AKR1C3: variants seen among roughly 807,000 people sequenced by gnomAD.
AKR1C3 encodes aldo-keto reductase family 1 member C3.
Under a neutral mutation model 43.6 loss-of-function variants are expected in AKR1C3, and 48 were observed. The ratio of observed to expected loss-of-function variants is 1.10; its 90% CI spans 0.87 to 1.40. The LOEUF is 1.40. AKR1C3 is among the 40% of genes most tolerant of loss of function. The pLI is 0.00. For missense variants in AKR1C3, 482 were observed against 391.2 expected (o/e 1.23, Z -1.96); for synonymous variants, 162 against 139.6 (o/e 1.16, Z -1.13).
At chr10:5,077,250 G>T (rs1221855568) in intron 1 of AKR1C3, among the ~76,000 whole-genome samples, 3 of 152,002 alleles carry the variant, frequency 2.0e-5, no homozygotes, top group Non-Finnish European at 4.4e-5. Flanking sequence ...CAAGCCCTGG[G>T]TATTTTTCTC....
chr10:5,064,783 A>G (rs1838460405), intron 1 of AKR1C3, among the ~76,000 whole-genome samples: 1 of 152,126 alleles, frequency 6.6e-6, no homozygotes, highest in Non-Finnish European at 1.5e-5. Context: ...AAAATGCTCA[A>G]CATCACTGAT....
chr10:5,054,080 G>A (rs566411563), intron 1 of AKR1C3, among the ~76,000 whole-genome samples: 7 of 152,262 alleles, frequency 4.6e-5, no homozygotes, highest in South Asian at 4.2e-4. Context: ...TGTAAGCGCC[G>A]GTTGGCATCT....
At chr10:5,094,348 T>G, upstream of AKR1C3, 2 of 919,642 alleles carry the variant, frequency 2.2e-6, no homozygotes, top group Non-Finnish European at 3.3e-6. Flanking sequence ...CATCAGTCAG[T>G]TTGCAGGGGT....
intron 1 of AKR1C3, among the ~76,000 whole-genome samples, chr10:5,059,446 A>G (rs1393157891): frequency 1.3e-5 from 2 of 152,134 alleles, no homozygotes; most frequent in Non-Finnish European, 2.9e-5. Context: ...AGGGTCAACC[A>G]ACTTGTCATC....
At position 5,105,490 on chromosome 10, in the gene AKR1C3, A is replaced by AACTT. The variant is rs587671776; in HGVS notation, c.847-102_847-99dup. 2.8e-4 allele frequency: 236 copies of AACTT among 855,684 alleles called. 1 individual carries two copies. The African/African-American group carries it at 3.4e-3, about 12-fold the overall frequency. The allele number at this position is 855,684 out of a possible 1,614,324, so 53.0% of individuals were successfully genotyped here. A position where few individuals can be genotyped will look rare whatever the true frequency, so the allele number is the denominator to read the frequency against. On this transcript the variant is annotated intron_variant, in intron 7 of 8. Transcript: ENST00000380554. Reference sequence around the variant, plus strand: ...AGAGCTGACTTCTATAACTGTTTAAAACTTACCAATATTTTAAGTATTGTC... The same window carrying AACTT: ...AGAGCTGACTTCTATAACTGTTTAAAACTTACTTACCAATATTTTAAGTATTGTC...
At position 5,107,634 on chromosome 10, in the gene AKR1C3, A is replaced by G. The variant is rs907214904; in HGVS notation, c.*131A>G. 76 of 657,928 alleles carry G rather than the reference A, an allele frequency of 1.2e-4. No homozygotes were observed. Among genetic ancestry groups the G allele is most frequent in the Admixed American group, 4.6e-4 (15 of 32,492 alleles). 40.8% of individuals were successfully genotyped at this position (657,928 alleles called of 1,614,324 possible). On this transcript the variant is annotated 3_prime_UTR_variant, in exon 9 of 9. Transcript: ENST00000380554. ...TCCTGTTTAGCGACTTCAGTCAACT[A>G]CAGCTGAGTCCATAGGCCAGAAAGA...
At position 5,107,538 on chromosome 10, in the gene AKR1C3, C is replaced by T; in HGVS notation, c.*35C>T. The T allele has an allele frequency of 1.3e-6, 2 of 1,525,444 alleles. No individual in the cohort carries two copies. Among genetic ancestry groups the T allele is most frequent in the Non-Finnish European group, 1.8e-6 (2 of 1,101,862 alleles). The allele number at this position is 1,525,444 out of a possible 1,614,324, so 94.5% of individuals were successfully genotyped here. A position where few individuals can be genotyped will look rare whatever the true frequency, so the allele number is the denominator to read the frequency against. On this transcript the variant is annotated 3_prime_UTR_variant, in exon 9 of 9. Coordinates refer to ENST00000380554, the MANE Select transcript of AKR1C3 (RefSeq NM_003739.6). Reference sequence around the variant, plus strand: ...CTTTGCCTGATGTCTACCAGAAGCCCTGTGTGTGGATGGTGACGCAGAGGA... The same window carrying T: ...CTTTGCCTGATGTCTACCAGAAGCCTTGTGTGTGGATGGTGACGCAGAGGA...
intron 3 of AKR1C3, chr10:5,098,295 TG>T: frequency 1.6e-6 from 1 of 627,406 alleles, no homozygotes. Flanking sequence ...TTTTCATTGG[TG>T]GCGATTATGG....
chr10:5,076,039 A>G (rs6601898), intron 1 of AKR1C3, among the ~76,000 whole-genome samples: 131,978 of 152,132 alleles, frequency 0.87, 57,459 homozygotes, highest in African/African-American at 0.95. Context: ...TATTTTTGGA[A>G]TCACCCAGGA....
At chr10:5,094,329 T>C (rs782118954), upstream of AKR1C3, 4 of 1,100,106 alleles carry the variant, frequency 3.6e-6, no homozygotes, top group Admixed American at 2.0e-5. Context: ...CTACATGCCA[T>C]TGGTTAACCA....
At chr10:5,090,054 A>C (rs1165597996), upstream of AKR1C3, among the ~76,000 whole-genome samples, 3 of 152,102 alleles carry the variant, frequency 2.0e-5, no homozygotes, top group East Asian at 5.8e-4. Flanking sequence ...AGGCCAGTAG[A>C]GGGTACTTAT....
chr10:5,063,023 A>C (rs1221745282), intron 1 of AKR1C3, among the ~76,000 whole-genome samples: 1 of 152,192 alleles, frequency 6.6e-6, no homozygotes, highest in Admixed American at 6.5e-5. Flanking sequence ...ATTCAGGATG[A>C]AGGAGAGGAA....
chr10:5,107,611 C>A lies in AKR1C3; in HGVS notation c.*108C>A. Reference sequence around the variant, plus strand: ...CATATCACCTCTACTTAAATCCGTCCTGTTTAGCGACTTCAGTCAACTACA... The same window carrying A: ...CATATCACCTCTACTTAAATCCGTCATGTTTAGCGACTTCAGTCAACTACA... On this transcript the variant is annotated 3_prime_UTR_variant, in exon 9 of 9. Transcript: ENST00000380554. The A allele has an allele frequency of 1.2e-6, 1 of 826,984 alleles. No individual in the cohort carries two copies. The allele number at this position is 826,984 out of a possible 1,614,324, so 51.2% of individuals were successfully genotyped here. A position where few individuals can be genotyped will look rare whatever the true frequency, so the allele number is the denominator to read the frequency against.
At chr10:5,060,919 C>T (rs1203036841) in intron 1 of AKR1C3, among the ~76,000 whole-genome samples, 1 of 152,232 alleles carries the variant, frequency 6.6e-6, no homozygotes, top group Non-Finnish European at 1.5e-5. Context: ...GGCTTGCGGG[C>T]TGGCCAGCTG....
intron 1 of AKR1C3, among the ~76,000 whole-genome samples, chr10:5,061,482 A>C (rs1297323449): frequency 6.6e-6 from 1 of 152,192 alleles, no homozygotes; most frequent in African/African-American, 2.4e-5. Context: ...GGGAGGGCAC[A>C]CAGCCAGAAG....
intron 1 of AKR1C3, among the ~76,000 whole-genome samples, chr10:5,074,969 C>T (rs147929245): frequency 2.5e-3 from 376 of 152,262 alleles, no homozygotes; most frequent in Non-Finnish European, 4.1e-3. Context: ...CTCAATATCC[C>T]GCCCTTTCCC....
At chr10:5,093,194 C>T (rs558811409), upstream of AKR1C3, among the ~76,000 whole-genome samples, 2 of 152,078 alleles carry the variant, frequency 1.3e-5, no homozygotes, top group Non-Finnish European at 2.9e-5. Context: ...CATCATACTA[C>T]ATTTCTACTC....
chr10:5,107,601 T>A lies in AKR1C3; in HGVS notation c.*98T>A. Reference sequence around the variant, plus strand: ...GGTGACTGGACATATCACCTCTACTTAAATCCGTCCTGTTTAGCGACTTCA... The same window carrying A: ...GGTGACTGGACATATCACCTCTACTAAAATCCGTCCTGTTTAGCGACTTCA... On this transcript the variant is annotated 3_prime_UTR_variant, in exon 9 of 9. Transcript: ENST00000380554. 1 of 952,738 alleles carries A rather than the reference T, an allele frequency of 1.0e-6. No individual in the cohort carries two copies. Among genetic ancestry groups the A allele is most frequent in the Non-Finnish European group, 1.6e-6 (1 of 611,770 alleles). The allele number at this position is 952,738 out of a possible 1,614,324, so 59.0% of individuals were successfully genotyped here.
intron 1 of AKR1C3, among the ~76,000 whole-genome samples, chr10:5,073,380 G>C (rs1838650399): frequency 6.6e-6 from 1 of 152,152 alleles, no homozygotes; most frequent in African/African-American, 2.4e-5. Flanking sequence ...GAACAGACTT[G>C]ACAGTTGTCC....
Sources: allele counts gnomAD v4.1 joint callset (sites outside exome capture counted in the v4.1 genomes callset), GRCh38; gene constraint gnomAD v4.1.1; transcripts MANE v1.5; gene names NCBI Gene and HGNC (gene_info 2026-07-23, HGNC 2026-07-21).